The following AGBL4 variants were observed in gnomAD, a reference collection of about 807,000 sequenced individuals.
AGBL4 encodes cytosolic carboxypeptidase 6.
A neutral mutation model predicts 66.4 loss-of-function variants in AGBL4; 58 were observed. The ratio of observed to expected loss-of-function variants is 0.87; its 90% CI spans 0.71 to 1.09. The LOEUF (loss-of-function observed/expected upper bound fraction) is 1.09, where lower values mean the gene tolerates loss of function less well. AGBL4 is among the 50% of genes least tolerant of loss of function. The pLI is 0.00. For missense variants in AGBL4, 579 were observed against 631.0 expected (o/e 0.92, Z 0.88); for synonymous variants, 234 against 222.9 (o/e 1.05, Z -0.44).
intron 3 of AGBL4, among the ~76,000 whole-genome samples, chr1:49,314,170 A>G (rs1644994709): frequency 6.6e-6 from 1 of 152,104 alleles, no homozygotes; most frequent in Admixed American, 6.6e-5. Context: ...CAAAGATCAG[A>G]TGGTTGTAGA....
intron 6 of AGBL4, among the ~76,000 whole-genome samples, chr1:48,806,006 C>T (rs891465923): frequency 2.0e-5 from 3 of 152,110 alleles, no homozygotes; most frequent in African/African-American, 7.2e-5. Flanking sequence ...ATATTCAGGT[C>T]ATCTCCTGGT....
intron 3 of AGBL4, among the ~76,000 whole-genome samples, chr1:49,329,718 T>G (rs920253917): frequency 6.6e-6 from 1 of 150,808 alleles, no homozygotes; most frequent in Non-Finnish European, 1.5e-5. Flanking sequence ...TCATGCTATT[T>G]TCTTTGTCTA....
chr1:49,674,939 C>T (rs1646550939), intron 3 of AGBL4, among the ~76,000 whole-genome samples: 1 of 152,164 alleles, frequency 6.6e-6, no homozygotes, highest in Non-Finnish European at 1.5e-5. Flanking sequence ...GAGCTTTTGA[C>T]ATTTGAGTGA....
intron 4 of AGBL4, among the ~76,000 whole-genome samples, chr1:49,070,989 G>A (rs1349402898): frequency 1.3e-5 from 2 of 151,874 alleles, no homozygotes; most frequent in Non-Finnish European, 2.9e-5. Context: ...TAAGCATCCA[G>A]GAATTTATCC....
At chr1:49,738,915 C>T (rs1189730917) in intron 2 of AGBL4, among the ~76,000 whole-genome samples, 2 of 152,164 alleles carry the variant, frequency 1.3e-5, no homozygotes, top group Admixed American at 1.3e-4. Context: ...ACGTCACCAT[C>T]ATCAAAGACC....
chr1:50,006,255 C>T (rs1661120475), intron 1 of AGBL4, among the ~76,000 whole-genome samples: 1 of 150,984 alleles, frequency 6.6e-6, no homozygotes, highest in Non-Finnish European at 1.5e-5. Flanking sequence ...AGGAGAATGG[C>T]ATGAACCCAG....
chr1:48,936,189 C>CGGAGGTA (rs1655460242), intron 5 of AGBL4, among the ~76,000 whole-genome samples: 2 of 151,134 alleles, frequency 1.3e-5, no homozygotes, highest in African/African-American at 4.9e-5. Flanking sequence ...ACTTGGGAGG[C>CGGAGGTA]GGAGGTAGGA....
chr1:49,164,463 A>C (rs1646596325), intron 4 of AGBL4, among the ~76,000 whole-genome samples: 1 of 152,168 alleles, frequency 6.6e-6, no homozygotes, highest in Non-Finnish European at 1.5e-5. Context: ...TTTTAGCCCA[A>C]AAAGGAGACA....
intron 5 of AGBL4, among the ~76,000 whole-genome samples, chr1:48,936,193 G>A (rs903587643): frequency 7.9e-5 from 12 of 151,900 alleles, no homozygotes; most frequent in Non-Finnish European, 1.5e-4. Flanking sequence ...GGGAGGCGGA[G>A]GTAGGAGGTA....
chr1:49,129,780 G>C (rs888221754), intron 4 of AGBL4, among the ~76,000 whole-genome samples: 2 of 152,144 alleles, frequency 1.3e-5, no homozygotes, highest in African/African-American at 4.8e-5. Context: ...ACATACGTGT[G>C]CATGTGTCTT....
intron 1 of AGBL4, among the ~76,000 whole-genome samples, chr1:49,977,849 T>C (rs531196262): frequency 1.3e-5 from 2 of 152,350 alleles, no homozygotes; most frequent in South Asian, 4.1e-4. Flanking sequence ...TCTGCTCTAA[T>C]CAGGACTGAT....
chr1:49,429,022 A>C (rs1645726063), intron 3 of AGBL4, among the ~76,000 whole-genome samples: 1 of 152,240 alleles, frequency 6.6e-6, no homozygotes, highest in South Asian at 2.1e-4. Flanking sequence ...CTGCTGGGAT[A>C]AATAGGAGAG....
intron 5 of AGBL4, among the ~76,000 whole-genome samples, chr1:48,910,982 G>T (rs1383916929): frequency 6.6e-6 from 1 of 152,190 alleles, no homozygotes; most frequent in Non-Finnish European, 1.5e-5. Flanking sequence ...ATGTGGCTTT[G>T]TTGGCTAATA....
At chr1:49,696,108 A>G (rs1646978338) in intron 3 of AGBL4, among the ~76,000 whole-genome samples, 3 of 152,266 alleles carry the variant, frequency 2.0e-5, no homozygotes, top group Middle Eastern at 6.8e-3. Flanking sequence ...GCAAAAGACA[A>G]CATAAAGTAA....
intron 2 of AGBL4, 141 bp downstream of exon 2, chr1:49,851,255 A>C (rs1221690354): frequency 4.1e-6 from 4 of 971,018 alleles, no homozygotes; most frequent in Non-Finnish European, 5.5e-6. Flanking sequence ...TTCCTTCAAA[A>C]TTTTTTCCCA....
chr1:49,310,431 C>T (rs1041924133), intron 3 of AGBL4, among the ~76,000 whole-genome samples: 6 of 151,874 alleles, frequency 4.0e-5, no homozygotes, highest in African/African-American at 7.3e-5. Context: ...AGGGAAGCAT[C>T]GGTGGAAAAG....
At chr1:49,395,776 CATGTGTATAT>C (rs1557900226) in intron 3 of AGBL4, among the ~76,000 whole-genome samples, 1 of 130,336 alleles carries the variant, frequency 7.7e-6, no homozygotes, top group South Asian at 2.5e-4. Context: ...CATATATATA[CATGTGTATAT>C]ATGTATATAT....
chr1:49,344,138 A>G (rs190733607), intron 3 of AGBL4, among the ~76,000 whole-genome samples: 1 of 152,248 alleles, frequency 6.6e-6, no homozygotes, highest in East Asian at 1.9e-4. Context: ...CTAGTGTCCT[A>G]GGCTTCACAC....
intron 3 of AGBL4, among the ~76,000 whole-genome samples, chr1:49,367,786 A>T (rs1644267767): frequency 6.6e-6 from 1 of 152,212 alleles, no homozygotes; most frequent in Non-Finnish European, 1.5e-5. Context: ...TAAATTTACC[A>T]TTTTAAATTA....
Sources: allele counts gnomAD v4.1 joint callset (sites outside exome capture counted in the v4.1 genomes callset), GRCh38; gene constraint gnomAD v4.1.1; transcripts MANE v1.5; gene names NCBI Gene and HGNC (gene_info 2026-07-23, HGNC 2026-07-21).